The following GALP variants were observed in gnomAD, a reference collection of about 807,000 sequenced individuals.
The protein encoded by GALP is galanin-like peptide.
In GALP, 12 loss-of-function variants were observed where a neutral mutation model predicts 15.2. The observed-to-expected ratio is 0.79, with a 90% confidence interval of 0.51 to 1.28. The LOEUF (loss-of-function observed/expected upper bound fraction) is 1.28, where lower values mean the gene tolerates loss of function less well. Ranked by LOEUF, GALP falls within the 50% of genes most tolerant of loss-of-function variation. GALP has a pLI of 0.00. For synonymous variants in GALP, 58 were observed against 55.1 expected, an observed-to-expected ratio of 1.05 and a Z score of -0.23; for missense variants, 161 against 145.6, an observed-to-expected ratio of 1.11 and a Z score of -0.55.
At chr19:56,179,501 A>G (rs2032525553) in intron 2 of GALP, among the ~76,000 whole-genome samples, 1 of 151,030 alleles carries the variant, frequency 6.6e-6, no homozygotes, top group South Asian at 2.1e-4. Context: ...TTGTATTTTT[A>G]GTAGAGATGG....
intron 3 of GALP, among the ~76,000 whole-genome samples, chr19:56,181,345 G>A (rs1357406211): frequency 2.0e-5 from 3 of 147,016 alleles, no homozygotes; most frequent in Non-Finnish European, 3.0e-5. Context: ...TAGCTGGTGT[G>A]TAGTGGGTGC....
At chr19:56,179,889 C>A (rs1011313713) in intron 2 of GALP, among the ~76,000 whole-genome samples, 1 of 152,220 alleles carries the variant, frequency 6.6e-6, no homozygotes, top group African/African-American at 2.4e-5. Flanking sequence ...GCAATCTCCA[C>A]CTCCCAGGTT....
chr19:56,185,325 G>A lies in GALP; in HGVS notation c.*55G>A. The A allele has an allele frequency of 1.8e-6, 2 of 1,120,464 alleles. No homozygotes were observed. Among genetic ancestry groups the A allele is most frequent in the Non-Finnish European group, 2.7e-6 (2 of 752,172 alleles). 69.4% of individuals were successfully genotyped at this position (1,120,464 alleles called of 1,614,324 possible). A position where few individuals can be genotyped will look rare whatever the true frequency, so the allele number is the denominator to read the frequency against. On this transcript the variant is annotated 3_prime_UTR_variant, in exon 6 of 6. Coordinates refer to ENST00000357330, the MANE Select transcript of GALP (RefSeq NM_033106.4). ...TTCTCCAGCTCCTCCTGCTCCCTCT[G>A]AAACCTTTTCTAGGTACCCTATGCT...
intron 5 of GALP, among the ~76,000 whole-genome samples, chr19:56,184,017 G>A (rs985424012): frequency 1.3e-5 from 2 of 150,986 alleles, no homozygotes; most frequent in Non-Finnish European, 2.9e-5. Context: ...GTGAAGTGGT[G>A]TGATCTTGGC....
At chr19:56,184,783 CCTT>C (rs2032627969) in intron 5 of GALP, among the ~76,000 whole-genome samples, 1 of 152,078 alleles carries the variant, frequency 6.6e-6, no homozygotes, top group Non-Finnish European at 1.5e-5. Flanking sequence ...GCGCCCAGCT[CCTT>C]CTTCAATCCT....
At chr19:56,177,333 A>C in intron 2 of GALP, 138 bp downstream of exon 2, 4 of 716,664 alleles carry the variant, frequency 5.6e-6, no homozygotes, top group Non-Finnish European at 7.1e-6. Context: ...GAGAAGAAAT[A>C]TTGCGTGTCT....
chr19:56,176,509 G>C (rs12985712), intron 1 of GALP, among the ~76,000 whole-genome samples: 1,107 of 33,540 alleles, frequency 0.033, 174 homozygotes, highest in African/African-American at 0.17. Context: ...CCAGCTGCAC[G>C]GGGGTGAGAG....
intron 4 of GALP, among the ~76,000 whole-genome samples, chr19:56,182,509 A>G (rs1167280538): frequency 6.6e-6 from 1 of 152,074 alleles, no homozygotes; most frequent in African/African-American, 2.4e-5. Context: ...TCTGCATCAG[A>G]CCTCACAGAA....
Position 56,182,240 on chromosome 19 carries a change from T to C in GALP, c.205T>C (p.Trp69Arg). 1 of 1,613,292 alleles carries C rather than the reference T, an allele frequency of 6.2e-7. No individual in the cohort carries two copies. The highest frequency in any genetic ancestry group is 8.5e-7 in the Non-Finnish European group (1 of 1,179,262). ...RETALEILDL[W>R]KAIDGLPYSH... Reference sequence around the variant, plus strand: ...GACAGCCCTTGAGATCCTAGACCTGTGGAAGGCCATCGGTGAGTGAGCGGG... The same window carrying C: ...GACAGCCCTTGAGATCCTAGACCTGCGGAAGGCCATCGGTGAGTGAGCGGG... Residue 69 changes from tryptophan (W) to arginine (R), a missense_variant, in exon 4 of 6, where the codon TGG (tryptophan) becomes CGG (arginine). Coordinates refer to ENST00000357330, the MANE Select transcript of GALP (RefSeq NM_033106.4).
At chr19:56,178,501 A>T (rs2122158597) in intron 2 of GALP, among the ~76,000 whole-genome samples, 1 of 141,956 alleles carries the variant, frequency 7.0e-6, no homozygotes, top group Admixed American at 7.1e-5. Context: ...GAAAAAGAAA[A>T]GAAATGCTAA....
intron 2 of GALP, 43 bp from the exon 3 acceptor site, chr19:56,180,543 G>C (rs274171): frequency 0.81 from 1,274,284 of 1,575,400 alleles, 516,776 homozygotes; most frequent in East Asian, 0.92. Flanking sequence ...CGCCTGCCCC[G>C]CTTTCTGTCT....
In GALP at chr19:56,185,331, T is replaced by G; in HGVS notation, c.*61T>G. On this transcript the variant is annotated 3_prime_UTR_variant, in exon 6 of 6. Coordinates refer to ENST00000357330, the MANE Select transcript of GALP (RefSeq NM_033106.4). ...AGCTCCTCCTGCTCCCTCTGAAACC[T>G]TTTCTAGGTACCCTATGCTGAGACT... 1 of 990,944 alleles carries G rather than the reference T, an allele frequency of 1.0e-6. No homozygotes were observed. Among genetic ancestry groups the G allele is most frequent in the Non-Finnish European group, 1.6e-6 (1 of 637,186 alleles). The allele number at this position is 990,944 out of a possible 1,614,324, so 61.4% of individuals were successfully genotyped here.
At position 56,185,504 on chromosome 19, in the gene GALP, G is replaced by T; in HGVS notation, c.*234G>T. ...ATTAATGGAACCAATAGTAATTCGAGGACTAGTTGGGAGATTCTGGGGTAA... is the reference window on the plus strand; with the variant it reads ...ATTAATGGAACCAATAGTAATTCGATGACTAGTTGGGAGATTCTGGGGTAA... On this transcript the variant is annotated 3_prime_UTR_variant, in exon 6 of 6. Transcript: ENST00000357330. 2 of 375,520 alleles carry T rather than the reference G, an allele frequency of 5.3e-6. No individual in the cohort carries two copies. The highest frequency in any genetic ancestry group is 9.4e-6 in the Non-Finnish European group (2 of 211,950). The allele number at this position is 375,520 out of a possible 1,614,324, so 23.3% of individuals were successfully genotyped here.
In GALP at chr19:56,177,343, T is replaced by C. The variant is rs1255771460; in HGVS notation, c.87+148T>C. The C allele has an allele frequency of 4.3e-6, 3 of 692,526 alleles. No individual in the cohort carries two copies. In the African/African-American group the frequency reaches 5.4e-5, roughly 12 times the overall value. 42.9% of individuals were successfully genotyped at this position (692,526 alleles called of 1,614,324 possible). ...AATATGAGAAGAAATATTGCGTGTCTCTACTAAAAACACAAAAATTAGCCG... is the reference window on the plus strand; with the variant it reads ...AATATGAGAAGAAATATTGCGTGTCCCTACTAAAAACACAAAAATTAGCCG... On this transcript the variant is annotated intron_variant, in intron 2 of 5. Coordinates refer to ENST00000357330, the MANE Select transcript of GALP (RefSeq NM_033106.4).
At chr19:56,180,109 C>T (rs148432707) in intron 2 of GALP, among the ~76,000 whole-genome samples, 4 of 152,264 alleles carry the variant, frequency 2.6e-5, no homozygotes, top group African/African-American at 4.8e-5. Flanking sequence ...GGCGAGATTT[C>T]GCCATGTTGG....
intron 3 of GALP, among the ~76,000 whole-genome samples, chr19:56,181,414 T>TTG (rs1250473782): frequency 7.0e-6 from 1 of 143,112 alleles, no homozygotes; most frequent in African/African-American, 2.6e-5. Context: ...TTTTTTTTTT[T>TTG]TTTTTTTGAG....
In GALP at chr19:56,180,590, G is replaced by A. The variant is rs149853638; in HGVS notation, c.92G>A (p.Arg31Gln). 23 of 1,613,626 alleles carry A rather than the reference G, an allele frequency of 1.4e-5. No individual in the cohort carries two copies. Among genetic ancestry groups the A allele is most frequent in the Admixed American group, 1.0e-4 (6 of 59,980 alleles). The part of the protein sequence containing the change: ...TPASAPAHRG[R>Q]GGWTLNSAGY... The stretch of plus-strand genomic sequence containing the variant: ...GATTTCTGCATCTCTATCCAGGGAC[G>A]AGGAGGCTGGACCCTCAATAGTGCT... Residue 31 changes from arginine to glutamine, a missense_variant, in exon 3 of 6, where the codon CGA becomes CAA. Transcript: ENST00000357330.
At chr19:56,176,085 C>T (rs1021638497) in intron 1 of GALP, 23 bp downstream of exon 1, 1 of 166,924 alleles carries the variant, frequency 6.0e-6, no homozygotes, top group South Asian at 1.1e-4. Flanking sequence ...GCCAGGAGGG[C>T]AGAGGGGCGG....
Position 56,182,188 on chromosome 19 carries a change from A to G in GALP, c.153A>G (p.Gln51=), listed in dbSNP as rs200881395. 2 of 1,613,692 alleles carry G rather than the reference A, an allele frequency of 1.2e-6. No individual in the cohort carries two copies. The highest frequency in any genetic ancestry group is 1.7e-6 in the Non-Finnish European group (2 of 1,179,728). ...YLLGPVLHLP[Q]MGDQDGKRET... ...CCTACCCAGTCCTCCACCTTCCCCA[A>G]ATGGGTGACCAAGACGGAAAGAGGG... Residue 51 remains glutamine, a synonymous_variant, in exon 4 of 6, where the codon CAA becomes CAG. Transcript: ENST00000357330.
Sources: gnomAD v4.1 joint callset for allele counts (sites outside exome capture counted in the v4.1 genomes callset) on GRCh38, gnomAD v4.1.1 for gene constraint, MANE v1.5 for transcripts, NCBI Gene and HGNC (gene_info 2026-07-23, HGNC 2026-07-21) for gene names.